Variants in LRRC37A3 observed in about 807,000 individuals in gnomAD.
LRRC37A3 encodes leucine-rich repeat-containing protein 37A3.
In LRRC37A3, 25 loss-of-function variants were observed where a neutral mutation model predicts 106.2. That is an observed-to-expected ratio of 0.24 (90% CI 0.17 to 0.33). LRRC37A3 has a LOEUF of 0.33. Ranked by LOEUF, LRRC37A3 falls within the 10% of genes least tolerant of loss-of-function variation. The pLI is 1.00. For missense variants in LRRC37A3, 712 were observed against 1,644.9 expected, an observed-to-expected ratio of 0.43 and a Z score of 9.81; for synonymous variants, 305 against 635.8, an observed-to-expected ratio of 0.48 and a Z score of 7.83.
At chr17:64,870,083 ATTTTTTT>A (rs904361471) in intron 8 of LRRC37A3, among the ~76,000 whole-genome samples, 13 of 110,390 alleles carry the variant, frequency 1.2e-4, no homozygotes, top group African/African-American at 4.0e-4. Flanking sequence ...CAGAGACCAC[ATTTTTTT>A]TTTTTTTTTT....
At chr17:64,880,701 CT>C (rs1973669570) in intron 8 of LRRC37A3, among the ~76,000 whole-genome samples, 1 of 151,698 alleles carries the variant, frequency 6.6e-6, no homozygotes, top group Non-Finnish European at 1.5e-5. Flanking sequence ...TTATATAAGC[CT>C]TTTGCTGTAG....
chr17:64,868,649 G>A (rs1298476162), intron 9 of LRRC37A3, 113 bp from the exon 10 acceptor site: 27 of 1,444,716 alleles, frequency 1.9e-5, no homozygotes, highest in Admixed American at 9.9e-5. Flanking sequence ...TTTATTTGCT[G>A]TAGAATTCCA....
intron 2 of LRRC37A3, among the ~76,000 whole-genome samples, chr17:64,912,244 T>C (rs1471445036): frequency 3.0e-3 from 420 of 141,300 alleles, no homozygotes; most frequent in African/African-American, 0.011. Flanking sequence ...TCAATGTATG[T>C]AGATATACAT....
At chr17:64,864,635 T>C (rs1000830154) in intron 10 of LRRC37A3, among the ~76,000 whole-genome samples, 1 of 151,798 alleles carries the variant, frequency 6.6e-6, no homozygotes. Flanking sequence ...ACAGATTCCA[T>C]AGCCAGACTA....
chr17:64,878,503 A>AT (rs1973586777), intron 8 of LRRC37A3, among the ~76,000 whole-genome samples: 1 of 152,230 alleles, frequency 6.6e-6, no homozygotes, highest in Admixed American at 6.5e-5. Flanking sequence ...AGACAAATCA[A>AT]TTTTTTAAAT....
At chr17:64,870,068 G>T (rs895478916) in intron 8 of LRRC37A3, among the ~76,000 whole-genome samples, 55 of 148,774 alleles carry the variant, frequency 3.7e-4, no homozygotes, top group African/African-American at 1.2e-3. Flanking sequence ...TGAGCGCTTT[G>T]AGGGCAGAGA....
rs1972817741 is a variant in LRRC37A3, at chr17:64,860,124, CT to C, written c.4021del (p.Arg1341GlyfsTer11). 2 of 1,613,964 alleles carry C rather than the reference CT, an allele frequency of 1.2e-6. No homozygotes were observed. Among genetic ancestry groups the C allele is most frequent in the Non-Finnish European group, 1.7e-6 (2 of 1,179,860 alleles). On this transcript the variant is annotated frameshift_variant, in exon 12 of 15. Coordinates refer to ENST00000584306, the MANE Select transcript of LRRC37A3 (RefSeq NM_199340.5). LOFTEE classifies it high-confidence loss of function. ...GCTCTTCGCTGCAGAGAACGGAAGC[CT>C]GTTTGAGAGCATCAGTCTACTCAGA... Reference protein sequence around the residue: ...SYLSRLMLSNRLPFSAAKSLI... With the variant: ...SYLSRLMLSNXLPFSAAKSLI...
intron 8 of LRRC37A3, among the ~76,000 whole-genome samples, chr17:64,878,779 G>A (rs1041417059): frequency 9.8e-5 from 15 of 152,306 alleles, no homozygotes; most frequent in African/African-American, 2.6e-4. Context: ...ACAGGTCCTC[G>A]AAAAGTTAAA....
chr17:64,884,485 C>A (rs1973811205), intron 8 of LRRC37A3, among the ~76,000 whole-genome samples: 1 of 151,134 alleles, frequency 6.6e-6, no homozygotes, highest in Admixed American at 6.6e-5. Context: ...CCTGCCTCAG[C>A]CTCCTGAGTA....
rs1416643979 is a variant in LRRC37A3 at position 64,860,034 on chromosome 17, G to T, written c.4112C>A (p.Pro1371His). ...TGAAGGAGCAGATACTTCCAGAAAA[G>T]GATTTTCTTGAGGACTCAGGTCTCT... ...SLRDLSPQEN[P>H]FLEVSAPSEH... Residue 1371 changes from proline (P) to histidine (H), a missense_variant, in exon 12 of 15, where the codon CCT (proline) becomes CAT (histidine). Coordinates refer to ENST00000584306, the MANE Select transcript of LRRC37A3 (RefSeq NM_199340.5). 1.2e-6 allele frequency: 2 copies of T among 1,613,938 alleles called. No individual in the cohort carries two copies. Among genetic ancestry groups the T allele is most frequent in the East Asian group, 2.2e-5 (1 of 44,876 alleles).
At chr17:64,919,006 TGCTGGGGTGGG>T (rs1178789248) in intron 1 of LRRC37A3, 136 bp from the exon 2 acceptor site, 1 of 1,221,950 alleles carries the variant, frequency 8.2e-7, no homozygotes, top group African/African-American at 1.6e-5. Context: ...GGGGCGCTGG[TGCTGGGGTGGG>T]GCTGGCGGCG....
chr17:64,866,676 G>A (rs1285814600), intron 10 of LRRC37A3, among the ~76,000 whole-genome samples: 1 of 106,898 alleles, frequency 9.4e-6, no homozygotes, highest in Non-Finnish European at 1.8e-5. Flanking sequence ...TGTCACCCAA[G>A]CTGGAGTGCA....
chr17:64,876,306 C>A (rs1048076545), intron 8 of LRRC37A3, among the ~76,000 whole-genome samples: 11 of 152,186 alleles, frequency 7.2e-5, no homozygotes, highest in Admixed American at 7.2e-4. Context: ...CCTTAGCCAC[C>A]TGAGTAGCTG....
At chr17:64,899,502 A>G (rs1336375625) in intron 2 of LRRC37A3, among the ~76,000 whole-genome samples, 1 of 142,726 alleles carries the variant, frequency 7.0e-6, no homozygotes, top group Non-Finnish European at 1.5e-5. Flanking sequence ...CCACCATCAT[A>G]TATGTGGTCT....
intron 11 of LRRC37A3, among the ~76,000 whole-genome samples, chr17:64,861,513 T>C (rs139939886): frequency 4.6e-5 from 7 of 152,198 alleles, no homozygotes; most frequent in Admixed American, 3.9e-4. Flanking sequence ...TCATCTGGCA[T>C]GCGCTCCACC....
chr17:64,873,746 G>A (rs1973402949), intron 8 of LRRC37A3, among the ~76,000 whole-genome samples: 1 of 151,650 alleles, frequency 6.6e-6, no homozygotes, highest in Admixed American at 6.6e-5. Flanking sequence ...TGACTCTGAG[G>A]AACAGAAATA....
intron 8 of LRRC37A3, among the ~76,000 whole-genome samples, chr17:64,870,125 C>G (rs1415520346): frequency 7.3e-6 from 1 of 137,908 alleles, no homozygotes; most frequent in Admixed American, 7.5e-5. Flanking sequence ...GAGTCTCACT[C>G]TGTCGCCCAG....
intron 2 of LRRC37A3, among the ~76,000 whole-genome samples, chr17:64,910,716 C>A (rs913373061): frequency 7.7e-6 from 1 of 129,910 alleles, no homozygotes; most frequent in African/African-American, 3.1e-5. Context: ...GCAATCTTGG[C>A]TCCCTGCAAC....
intron 8 of LRRC37A3, among the ~76,000 whole-genome samples, chr17:64,874,431 T>G (rs1163089921): frequency 6.7e-6 from 1 of 150,312 alleles, no homozygotes; most frequent in Non-Finnish European, 1.5e-5. Context: ...GTCTGAGAAG[T>G]GAGGAGCCCC....
Sources: gnomAD v4.1 joint callset for allele counts (sites outside exome capture counted in the v4.1 genomes callset) on GRCh38, gnomAD v4.1.1 for gene constraint, MANE v1.5 for transcripts, NCBI Gene and HGNC (gene_info 2026-07-23, HGNC 2026-07-21) for gene names.